LRRN1: variants seen among roughly 807,000 people sequenced by gnomAD.
LRRN1 encodes leucine rich repeat neuronal 1, also known as leucine-rich repeat neuronal protein 1.
Under a neutral mutation model 45.8 loss-of-function variants are expected in LRRN1, and 14 were observed. That is an observed-to-expected ratio of 0.31 (90% CI 0.20 to 0.48). LRRN1 has a LOEUF of 0.48. LRRN1 is among the 20% of genes least tolerant of loss of function. The pLI is 0.99. For synonymous variants in LRRN1, 359 were observed against 330.1 expected (o/e 1.09, Z -0.95); for missense variants, 789 against 874.2 (o/e 0.90, Z 1.23).
rs1019425055 is a variant in LRRN1 at position 3,842,043 on chromosome 3, A to G, written c.-278-2321A>G. ...ATATGTGGCTTATATGATATACCCT[A>G]TTGCTCCTAGGCTGCAAACCTGTAT... On this transcript the variant is annotated intron_variant, in intron 1 of 1. Coordinates refer to ENST00000319331, the MANE Select transcript of LRRN1 (RefSeq NM_020873.7). Among the ~76,000 whole-genome samples the G allele has an allele frequency of 2.0e-5, 3 of 152,264 alleles. No homozygotes were observed. In the East Asian group the frequency reaches 5.8e-4, roughly 29 times the overall value.
Position 3,848,234 on chromosome 3 carries a change from G to A in LRRN1, c.*1442G>A, listed in dbSNP as rs1356643401. On this transcript the variant is annotated 3_prime_UTR_variant, in exon 2 of 2. Coordinates refer to ENST00000319331, the MANE Select transcript of LRRN1 (RefSeq NM_020873.7). ...TAGAAAACAAAACAACTTCCGTACA[G>A]TTCAAACTTTTCATCCAAATATATA... Among the ~76,000 whole-genome samples, 3 of 152,154 alleles carry A rather than the reference G, an allele frequency of 2.0e-5. No individual in the cohort carries two copies. Among genetic ancestry groups the A allele is most frequent in the African/African-American group, 7.2e-5 (3 of 41,438 alleles).
rs931700501 is a variant in LRRN1 at position 3,843,767 on chromosome 3, C to T, written c.-278-597C>T. On this transcript the variant is annotated intron_variant, in intron 1 of 1. Transcript: ENST00000319331. ...AACTTTTTGCATAGGAATAACTGAG[C>T]TAGAAAAGCATTGGCTGAATATGTC... Among the ~76,000 whole-genome samples the T allele has an allele frequency of 2.6e-5, 4 of 152,128 alleles. No homozygotes were observed. The East Asian group carries it at 7.7e-4, about 29-fold the overall frequency.
At chr3:3,841,054 C>T (rs926499549) in intron 1 of LRRN1, among the ~76,000 whole-genome samples, 1 of 152,106 alleles carries the variant, frequency 6.6e-6, no homozygotes, top group African/African-American at 2.4e-5. Flanking sequence ...AATCCCAGCA[C>T]TTTGGGAGGC....
chr3:3,813,705 A>G (rs1285776395), intron 1 of LRRN1, among the ~76,000 whole-genome samples: 1 of 152,166 alleles, frequency 6.6e-6, no homozygotes, highest in African/African-American at 2.4e-5. Flanking sequence ...GAAAATCCCA[A>G]CATCACCGAA....
At chr3:3,824,306 A>G (rs1693170189) in intron 1 of LRRN1, among the ~76,000 whole-genome samples, 1 of 152,190 alleles carries the variant, frequency 6.6e-6, no homozygotes, top group African/African-American at 2.4e-5. Flanking sequence ...TTGAATGTCC[A>G]ACTCCAACTC....
At chr3:3,822,405 G>A (rs935205861) in intron 1 of LRRN1, among the ~76,000 whole-genome samples, 18 of 152,178 alleles carry the variant, frequency 1.2e-4, no homozygotes, top group Non-Finnish European at 1.5e-4. Context: ...TCTTGAGCTA[G>A]CAGTTTAATT....
intron 1 of LRRN1, among the ~76,000 whole-genome samples, chr3:3,809,488 A>G (rs1692834050): frequency 6.6e-6 from 1 of 152,220 alleles, no homozygotes; most frequent in African/African-American, 2.4e-5. Flanking sequence ...ACTGCTAGCA[A>G]TATTAAAAGC....
In LRRN1 at chr3:3,849,065, A is replaced by G. The variant is rs1351602096; in HGVS notation, c.*2273A>G. ...CGTCTGCAGAGTAATGGACCATGTT[A>G]CAACTTTCCTGTTCATCTGTGAACC... On this transcript the variant is annotated 3_prime_UTR_variant, in exon 2 of 2. Coordinates refer to ENST00000319331, the MANE Select transcript of LRRN1 (RefSeq NM_020873.7). Among the ~76,000 whole-genome samples the G allele has an allele frequency of 1.3e-5, 2 of 152,228 alleles. No homozygotes were observed. The highest frequency in any genetic ancestry group is 6.5e-5 in the Admixed American group (1 of 15,284).
intron 1 of LRRN1, among the ~76,000 whole-genome samples, chr3:3,825,379 T>G (rs1693195552): frequency 6.6e-6 from 1 of 152,176 alleles, no homozygotes; most frequent in Admixed American, 6.5e-5. Context: ...GATTTGCCCT[T>G]GCCTGAAAGA....
At chr3:3,802,089 G>A (rs1300242684) in intron 1 of LRRN1, among the ~76,000 whole-genome samples, 1 of 152,184 alleles carries the variant, frequency 6.6e-6, no homozygotes, top group Non-Finnish European at 1.5e-5. Flanking sequence ...CCAAACTGTA[G>A]AACTGCAGGT....
chr3:3,810,904 G>T (rs936491773), intron 1 of LRRN1, among the ~76,000 whole-genome samples: 2 of 152,102 alleles, frequency 1.3e-5, no homozygotes, highest in Non-Finnish European at 2.9e-5. Flanking sequence ...GATTTTCTTT[G>T]AATTCTTTGT....
chr3:3,817,510 A>C (rs893633093), intron 1 of LRRN1, among the ~76,000 whole-genome samples: 2 of 152,196 alleles, frequency 1.3e-5, no homozygotes, highest in Admixed American at 6.5e-5. Flanking sequence ...ACTTCTGTAC[A>C]TCTGCCTTCA....
At chr3:3,811,424 A>G (rs1692869300) in intron 1 of LRRN1, among the ~76,000 whole-genome samples, 1 of 152,216 alleles carries the variant, frequency 6.6e-6, no homozygotes, top group East Asian at 1.9e-4. Context: ...CACCTATAAA[A>G]GCATTTGGCA....
rs761672783 is a variant in LRRN1, at chr3:3,820,414, G to A, written c.-279+20495G>A. 4.6e-5 allele frequency among the ~76,000 whole-genome samples: 7 copies of A among 152,126 alleles called. No individual in the cohort carries two copies. The East Asian group carries it at 5.8e-4, about 13-fold the overall frequency. ...CAGCCTTTTCTTTAGGGAATATGGTGGGAGTCATGGCCTTTCATACAGGGC... is the reference window on the plus strand; with the variant it reads ...CAGCCTTTTCTTTAGGGAATATGGTAGGAGTCATGGCCTTTCATACAGGGC... On this transcript the variant is annotated intron_variant, in intron 1 of 1. Coordinates refer to ENST00000319331, the MANE Select transcript of LRRN1 (RefSeq NM_020873.7).
chr3:3,841,285 T>C (rs189243946), intron 1 of LRRN1, among the ~76,000 whole-genome samples: 2,810 of 70,606 alleles, frequency 0.04, 88 homozygotes, highest in East Asian at 0.22. Context: ...AGCGAGACTT[T>C]GTCTCAAAAA....
At chr3:3,829,112 T>G (rs1334360097) in intron 1 of LRRN1, among the ~76,000 whole-genome samples, 1 of 152,084 alleles carries the variant, frequency 6.6e-6, no homozygotes, top group African/African-American at 2.4e-5. Flanking sequence ...CACAGGACAT[T>G]GTAATACTAA....
In LRRN1 at chr3:3,846,584, T is replaced by C; in HGVS notation, c.1943T>C (p.Ile648Thr). The change falls in exon 2 of 2, where the codon ATT becomes ACT. Residue 648 changes from isoleucine (I) to threonine (T), a missense_variant. Physicochemically the swap from Ile to Thr is moderately conservative, Grantham distance 89. Transcript: ENST00000319331. This position sits in a 1 kb window ranked among gnomAD's most constrained non-coding sequence, Gnocchi z 5.7. The part of the protein sequence containing the change: ...SMFAVISLAS[I>T]AVYFAKRFKR... ...TTTGCCGTCATTAGCCTTGCGTCCA[T>C]TGCTGTGTACTTTGCCAAAAGATTT... 2 of 1,614,140 alleles carry C rather than the reference T, an allele frequency of 1.2e-6. No homozygotes were observed.
intron 1 of LRRN1, among the ~76,000 whole-genome samples, chr3:3,837,810 C>G (rs1693556475): frequency 6.6e-6 from 1 of 151,414 alleles, no homozygotes; most frequent in Non-Finnish European, 1.5e-5. Context: ...TGGTGGTTTG[C>G]TGCACCTATC....
At chr3:3,822,296 C>T (rs1693120454) in intron 1 of LRRN1, among the ~76,000 whole-genome samples, 2 of 152,186 alleles carry the variant, frequency 1.3e-5, no homozygotes, top group African/African-American at 4.8e-5. Flanking sequence ...AACTACTACT[C>T]AGCCAAAACT....
Sources: gnomAD v4.1 joint callset for allele counts (sites outside exome capture counted in the v4.1 genomes callset) on GRCh38, gnomAD v4.1.1 for gene constraint, Gnocchi (gnomAD v3.1) non-coding constraint, MANE v1.5 for transcripts, NCBI Gene and HGNC (gene_info 2026-07-23, HGNC 2026-07-21) for gene names.